Variants in LRRC28 observed in about 807,000 individuals in gnomAD.
LRRC28 encodes the protein leucine rich repeat containing 28.
LRRC28 carries 39 observed loss-of-function variants against 45.7 expected under a neutral mutation model. That is an observed-to-expected ratio of 0.85 (90% confidence interval 0.66 to 1.12). The LOEUF (loss-of-function observed/expected upper bound fraction) is 1.12. Ranked by LOEUF, LRRC28 falls within the 50% of genes most tolerant of loss-of-function variation. The pLI, the probability that LRRC28 is intolerant of heterozygous loss-of-function variation, is 0.00. For missense variants in LRRC28, 435 were observed against 438.5 expected, an observed-to-expected ratio of 0.99 and a Z score of 0.07; for synonymous variants, 206 against 178.8, an observed-to-expected ratio of 1.15 and a Z score of -1.22.
intron 3 of LRRC28, among the ~76,000 whole-genome samples, chr15:99,282,827 G>A (rs1372755859): frequency 6.6e-6 from 1 of 152,146 alleles, no homozygotes; most frequent in Non-Finnish European, 1.5e-5. Context: ...AGAACAGTTG[G>A]GAAAATCCCA....
chr15:99,267,564 A>C (rs2081364181), intron 2 of LRRC28, among the ~76,000 whole-genome samples: 1 of 152,176 alleles, frequency 6.6e-6, no homozygotes, highest in Non-Finnish European at 1.5e-5. Context: ...GCTCTGTATA[A>C]AAGCATCTCT....
At chr15:99,269,487 TCTGCCTCTCAGGTTCAAGTGATTCTC>T (rs1424146702) in intron 2 of LRRC28, among the ~76,000 whole-genome samples, 7 of 152,074 alleles carry the variant, frequency 4.6e-5, no homozygotes, top group Middle Eastern at 3.2e-3. Context: ...TACTGCAACC[TCTGCCTCTCAGGTTCAAGTGATTCTC>T]CTGCCTCATC....
At chr15:99,332,510 T>C (rs1371350740) in intron 5 of LRRC28, among the ~76,000 whole-genome samples, 2 of 152,252 alleles carry the variant, frequency 1.3e-5, no homozygotes, top group African/African-American at 4.8e-5. Context: ...ACAAAAAGTC[T>C]ATAGCAAAGA....
intron 2 of LRRC28, among the ~76,000 whole-genome samples, chr15:99,275,639 G>A (rs1474466010): frequency 2.0e-5 from 3 of 152,174 alleles, no homozygotes; most frequent in Non-Finnish European, 4.4e-5. Context: ...CCACAATCAA[G>A]GTGTGATTTG....
chr15:99,314,442 TAAATAAA>T (rs1418598289), intron 5 of LRRC28, among the ~76,000 whole-genome samples: 1 of 43,870 alleles, frequency 2.3e-5, no homozygotes, highest in African/African-American at 2.1e-4. Flanking sequence ...TGTCTCTAAA[TAAATAAA>T]TAAATAAATA....
intron 9 of LRRC28, among the ~76,000 whole-genome samples, chr15:99,371,105 A>G (rs1203065653): frequency 6.7e-6 from 1 of 149,668 alleles, no homozygotes; most frequent in African/African-American, 2.5e-5. Context: ...GACTCTCTCA[A>G]AAACAAAAAC....
At chr15:99,297,733 A>C (rs1350332205) in intron 5 of LRRC28, among the ~76,000 whole-genome samples, 1 of 151,590 alleles carries the variant, frequency 6.6e-6, no homozygotes, top group African/African-American at 2.4e-5. Context: ...GTGATATAAT[A>C]GATAAAACAT....
intron 5 of LRRC28, chr15:99,333,673 G>T (rs1452587371): frequency 7.6e-6 from 4 of 529,560 alleles, no homozygotes; most frequent in South Asian, 6.7e-5. Context: ...TCACCACTTT[G>T]TGTCTCTTTT....
At chr15:99,385,932 A>T in intron 9 of LRRC28, 98 bp from the exon 10 acceptor site, 1 of 1,033,546 alleles carries the variant, frequency 9.7e-7, no homozygotes, top group East Asian at 2.4e-5. Context: ...ACCATGGCTA[A>T]TCCTCCATTT....
intron 6 of LRRC28, 92 bp downstream of exon 6, chr15:99,334,221 T>C: frequency 1.4e-6 from 2 of 1,403,916 alleles, no homozygotes; most frequent in Non-Finnish European, 1.0e-6. Context: ...TTTCCTTCCT[T>C]CTGTTTATCT....
At chr15:99,255,213 G>C (rs11854849) in intron 1 of LRRC28, among the ~76,000 whole-genome samples, 3,061 of 151,660 alleles carry the variant, frequency 0.02, 94 homozygotes, top group African/African-American at 0.07. Flanking sequence ...AAAACAATTA[G>C]CTGAGTGTGG....
At chr15:99,385,962 C>T in intron 9 of LRRC28, 68 bp from the exon 10 acceptor site, 1 of 1,429,652 alleles carries the variant, frequency 7.0e-7, no homozygotes, top group Non-Finnish European at 9.9e-7. Context: ...AAAAAGTTTC[C>T]AGCAGAAAGA....
At chr15:99,375,447 G>C (rs1396531785) in intron 9 of LRRC28, among the ~76,000 whole-genome samples, 1 of 152,100 alleles carries the variant, frequency 6.6e-6, no homozygotes, top group African/African-American at 2.4e-5. Flanking sequence ...TATTATCCTT[G>C]TCTGGTTCTG....
intron 3 of LRRC28, among the ~76,000 whole-genome samples, chr15:99,278,024 C>T: frequency 6.6e-6 from 1 of 152,072 alleles, no homozygotes; most frequent in Admixed American, 6.5e-5. Context: ...ACTTTATATC[C>T]TGGTATCTTG....
chr15:99,387,224 C>T lies in LRRC28; in HGVS notation c.*1122C>T, dbSNP rs935622992. ...CACAGGCGCCCGCCACCACGCCCGGCTAATTTTTTGTATTTTTAGTAGAGA... is the reference window on the plus strand; with the variant it reads ...CACAGGCGCCCGCCACCACGCCCGGTTAATTTTTTGTATTTTTAGTAGAGA... On this transcript the variant is annotated 3_prime_UTR_variant, in exon 10 of 10. Transcript: ENST00000301981. 8 of 148,006 alleles carry T rather than the reference C, an allele frequency of 5.4e-5. No homozygotes were observed. The highest frequency in any genetic ancestry group is 1.5e-4 in the African/African-American group (6 of 40,086). The allele number at this position is 148,006 out of a possible 1,614,324, so 9.2% of individuals were successfully genotyped here. A position where few individuals can be genotyped will look rare whatever the true frequency, so the allele number is the denominator to read the frequency against.
At position 99,389,107 on chromosome 15, in the gene LRRC28, G is replaced by A. The variant is rs1369697259; in HGVS notation, c.*3005G>A. ...GGGTGGAGGATCCACTCTGGCTAAC[G>A]GATAAGAGTGATGAACTTCTTTGTT... On this transcript the variant is annotated 3_prime_UTR_variant, in exon 10 of 10. Transcript: ENST00000301981. 1.3e-5 allele frequency: 2 copies of A among 152,152 alleles called. No individual in the cohort carries two copies. The highest frequency in any genetic ancestry group is 2.4e-5 in the African/African-American group (1 of 41,430). 9.4% of individuals were successfully genotyped at this position (152,152 alleles called of 1,614,324 possible). A position where few individuals can be genotyped will look rare whatever the true frequency, so the allele number is the denominator to read the frequency against.
At chr15:99,370,584 A>G (rs1012867479) in intron 9 of LRRC28, among the ~76,000 whole-genome samples, 1 of 152,164 alleles carries the variant, frequency 6.6e-6, no homozygotes, top group African/African-American at 2.4e-5. Flanking sequence ...ACAAAACAAT[A>G]TTTGAAAAAA....
chr15:99,361,401 T>C lies in LRRC28; in HGVS notation c.761T>C (p.Val254Ala). 1 of 1,613,928 alleles carries C rather than the reference T, an allele frequency of 6.2e-7. No homozygotes were observed. Residue 254 changes from valine to alanine, a missense_variant, in exon 8 of 10, where the codon GTT (valine) becomes GCT (alanine). Coordinates refer to ENST00000301981, the MANE Select transcript of LRRC28 (RefSeq NM_144598.5). ...LLSFSSGQRTVFLPAEVKAIG... is the reference protein window; with the variant it reads ...LLSFSSGQRTAFLPAEVKAIG... The stretch of plus-strand genomic sequence containing the variant: ...TCCTTTTCATCAGGGCAGCGAACCG[T>C]TTTCCTCCCAGCTGAGGTGAAGGCC...
chr15:99,297,980 A>C (rs1324760782), intron 5 of LRRC28, among the ~76,000 whole-genome samples: 5 of 152,048 alleles, frequency 3.3e-5, no homozygotes, highest in Non-Finnish European at 7.4e-5. Context: ...TTTTTAGGAA[A>C]AGTGTAAAGG....
Sources: gnomAD v4.1 joint callset for allele counts (sites outside exome capture counted in the v4.1 genomes callset) on GRCh38, gnomAD v4.1.1 for gene constraint, MANE v1.5 for transcripts, NCBI Gene and HGNC (gene_info 2026-07-23, HGNC 2026-07-21) for gene names.